The following KCNIP4 variants were observed in gnomAD, a reference collection of about 807,000 sequenced individuals.
KCNIP4 encodes the protein potassium voltage-gated channel interacting protein 4, also known as Kv channel-interacting protein 4.
Under a neutral mutation model 34.0 loss-of-function variants are expected in KCNIP4, and 12 were observed. The observed-to-expected ratio is 0.35, with a 90% confidence interval of 0.23 to 0.57. The LOEUF (loss-of-function observed/expected upper bound fraction) is 0.57. Ranked by LOEUF, KCNIP4 falls within the 20% of genes least tolerant of loss-of-function variation. The pLI is 0.83. For missense variants in KCNIP4, 238 were observed against 311.7 expected (o/e 0.76, Z 1.78); for synonymous variants, 124 against 102.2 (o/e 1.21, Z -1.29).
intron 1 of KCNIP4, among the ~76,000 whole-genome samples, chr4:21,634,766 C>T (rs1316020115): frequency 2.6e-5 from 4 of 152,120 alleles, no homozygotes; most frequent in Non-Finnish European, 4.4e-5. Flanking sequence ...GATTAAACTG[C>T]TTTGCTAAAT....
intron 1 of KCNIP4, among the ~76,000 whole-genome samples, chr4:21,102,239 A>G (rs1748013401): frequency 6.6e-6 from 1 of 152,228 alleles, no homozygotes; most frequent in Non-Finnish European, 1.5e-5. Flanking sequence ...ATTTGCTGAT[A>G]CAGAGATTCA....
At chr4:21,356,679 A>C (rs1039033276) in intron 1 of KCNIP4, among the ~76,000 whole-genome samples, 1 of 152,204 alleles carries the variant, frequency 6.6e-6, no homozygotes, top group Non-Finnish European at 1.5e-5. Context: ...ACACAAACAA[A>C]TGGAGGAACA....
intron 1 of KCNIP4, among the ~76,000 whole-genome samples, chr4:21,404,647 TA>T (rs753570088): frequency 5.3e-5 from 8 of 152,126 alleles, no homozygotes; most frequent in Non-Finnish European, 7.4e-5. Flanking sequence ...TATAAAAAAG[TA>T]TTATTATATA....
intron 1 of KCNIP4, among the ~76,000 whole-genome samples, chr4:21,468,094 G>A (rs181907865): frequency 6.6e-6 from 1 of 152,168 alleles, no homozygotes; most frequent in East Asian, 1.9e-4. Context: ...TATAGGGGTA[G>A]GTAATCACAT....
At chr4:21,846,925 G>T (rs1724056048) in intron 1 of KCNIP4, 1 of 152,172 alleles carries the variant, frequency 6.6e-6, no homozygotes, top group African/African-American at 2.4e-5. Flanking sequence ...ATCTATGTTG[G>T]ATAGAGAAGG....
At chr4:21,612,985 C>G (rs1029477013) in intron 1 of KCNIP4, among the ~76,000 whole-genome samples, 1 of 152,046 alleles carries the variant, frequency 6.6e-6, no homozygotes, top group African/African-American at 2.4e-5. Context: ...GTAGGCCGTT[C>G]AAAGGTATGT....
chr4:20,901,129 AT>A (rs781732633), intron 1 of KCNIP4, among the ~76,000 whole-genome samples: 1 of 152,214 alleles, frequency 6.6e-6, no homozygotes, highest in Non-Finnish European at 1.5e-5. Flanking sequence ...AACACAAGCC[AT>A]TTTGTTTTCT....
intron 1 of KCNIP4, among the ~76,000 whole-genome samples, chr4:21,180,408 T>C (rs1048564221): frequency 2.6e-5 from 4 of 152,120 alleles, no homozygotes; most frequent in African/African-American, 9.6e-5. Context: ...AGTTCTGCTT[T>C]GCAAATATTA....
chr4:20,738,390 G>A (rs1409325238), intron 5 of KCNIP4, among the ~76,000 whole-genome samples: 1 of 152,118 alleles, frequency 6.6e-6, no homozygotes, highest in Admixed American at 6.5e-5. Context: ...AGTCACCTGG[G>A]GAGTGTGCCA....
rs1383996291 is a variant in KCNIP4 at position 21,934,816 on chromosome 4, C to T, written c.61+13755G>A. Among the ~76,000 whole-genome samples, 9 of 152,228 alleles carry T rather than the reference C, an allele frequency of 5.9e-5. 1 individual carries two copies. The East Asian group carries it at 1.7e-3, about 29-fold the overall frequency. On this transcript the variant is annotated intron_variant, in intron 1 of 8. Transcript: ENST00000382152. Reference sequence around the variant, plus strand: ...ACTCTCTCAATCACTGGATGTGTGACTTTGGGCAAGTTGCTTAACCCCTTT... The same window carrying T: ...ACTCTCTCAATCACTGGATGTGTGATTTTGGGCAAGTTGCTTAACCCCTTT...
intron 1 of KCNIP4, among the ~76,000 whole-genome samples, chr4:21,137,888 T>TTTTTTTTTTG: frequency 6.7e-6 from 1 of 148,984 alleles, no homozygotes; most frequent in Non-Finnish European, 1.5e-5. Flanking sequence ...GTTTTTTTTT[T>TTTTTTTTTTG]TTTGATGGAG....
At chr4:21,567,635 C>A (rs938011160) in intron 1 of KCNIP4, among the ~76,000 whole-genome samples, 1 of 152,028 alleles carries the variant, frequency 6.6e-6, no homozygotes, top group African/African-American at 2.4e-5. Flanking sequence ...ATGCTTAGAG[C>A]CAGGGAAAGC....
At position 20,974,264 on chromosome 4, in the gene KCNIP4, CTTG is replaced by C. The variant is rs543832734; in HGVS notation, c.62-91558_62-91556del. Among the ~76,000 whole-genome samples, 526 of 152,258 alleles carry C rather than the reference CTTG, an allele frequency of 3.5e-3. 4 individuals are homozygous for C. Among genetic ancestry groups the C allele is most frequent in the Non-Finnish European group, 5.5e-3 (376 of 68,032 alleles). On this transcript the variant is annotated intron_variant, in intron 1 of 8. Transcript: ENST00000382152. Reference sequence around the variant, plus strand: ...ACTGTACTAAGGTACAGTGTTCTCTCTTGTTCAGCTGGAGAGAAAATGAATGAA... The same window carrying C: ...ACTGTACTAAGGTACAGTGTTCTCTCTTCAGCTGGAGAGAAAATGAATGAA...
At chr4:21,385,533 A>G (rs1721951897) in intron 1 of KCNIP4, among the ~76,000 whole-genome samples, 1 of 152,214 alleles carries the variant, frequency 6.6e-6, no homozygotes, top group Non-Finnish European at 1.5e-5. Flanking sequence ...TTCTTCTTTA[A>G]AAAGAAGATT....
chr4:21,329,336 G>A (rs1214673928), intron 1 of KCNIP4, among the ~76,000 whole-genome samples: 1 of 152,110 alleles, frequency 6.6e-6, no homozygotes, highest in Non-Finnish European at 1.5e-5. Flanking sequence ...GACTGTACTG[G>A]CAGGCAGGAT....
intron 1 of KCNIP4, among the ~76,000 whole-genome samples, chr4:21,746,010 G>A (rs1362055212): frequency 6.6e-6 from 1 of 152,116 alleles, no homozygotes; most frequent in African/African-American, 2.4e-5. Context: ...CCTAGATTAA[G>A]ATATTAGCGG....
intron 1 of KCNIP4, among the ~76,000 whole-genome samples, chr4:21,930,262 T>G (rs905356003): frequency 2.0e-5 from 3 of 152,116 alleles, no homozygotes; most frequent in Non-Finnish European, 2.9e-5. Context: ...CAGATTGTCT[T>G]CTTGATTATA....
chr4:21,372,608 G>T lies in KCNIP4; in HGVS notation c.62-489899C>A, dbSNP rs973581779. Among the ~76,000 whole-genome samples, 5 of 146,980 alleles carry T rather than the reference G, an allele frequency of 3.4e-5. 2 individuals are homozygous for T. The highest frequency in any genetic ancestry group is 1.4e-4 in the African/African-American group (5 of 36,710). ...CATAGCTAATATCTGCAACTAAGGT[G>T]AACGTGAGAAAAATCACTTATTTGG... On this transcript the variant is annotated intron_variant, in intron 1 of 8. Transcript: ENST00000382152.
intron 1 of KCNIP4, among the ~76,000 whole-genome samples, chr4:20,930,111 C>T (rs56256173): frequency 0.054 from 8,236 of 151,952 alleles, 224 homozygotes; most frequent in Middle Eastern, 0.1. Flanking sequence ...CATCACACTT[C>T]CTAAGTTAAA....
Sources: gnomAD v4.1 joint callset for allele counts (sites outside exome capture counted in the v4.1 genomes callset) on GRCh38, gnomAD v4.1.1 for gene constraint, MANE v1.5 for transcripts, NCBI Gene and HGNC (gene_info 2026-07-23, HGNC 2026-07-21) for gene names.